ELMOD1: variants seen among roughly 807,000 people sequenced by gnomAD.
The protein encoded by ELMOD1 is ELMO domain-containing protein 1.
Under a neutral mutation model 46.7 loss-of-function variants are expected in ELMOD1, and 21 were observed. That is an observed-to-expected ratio of 0.45 (90% CI 0.32 to 0.65). The LOEUF is 0.65. ELMOD1 is among the 30% of genes least tolerant of loss of function. The pLI, the probability that ELMOD1 is intolerant of heterozygous loss-of-function variation, is 0.04. For missense variants in ELMOD1, 348 were observed against 407.8 expected (o/e 0.85, Z 1.26); for synonymous variants, 122 against 138.2 (o/e 0.88, Z 0.82).
rs1866140305 is a variant in ELMOD1 at position 107,631,526 on chromosome 11, T to C, written c.193-54T>C. On this transcript the variant is annotated intron_variant, in intron 4 of 11. Coordinates refer to ENST00000265840, the MANE Select transcript of ELMOD1 (RefSeq NM_018712.4). ...TTGAAGCCTCTATCCCAGTAGATACTGATTAAGCCTCTGGTGTTAATGAAA... is the reference window on the plus strand; with the variant it reads ...TTGAAGCCTCTATCCCAGTAGATACCGATTAAGCCTCTGGTGTTAATGAAA... 14 of 1,133,512 alleles carry C rather than the reference T, an allele frequency of 1.2e-5. No homozygotes were observed. In the South Asian group the frequency reaches 1.7e-4, roughly 14 times the overall value. The allele number at this position is 1,133,512 out of a possible 1,614,324, so 70.2% of individuals were successfully genotyped here.
intron 1 of ELMOD1, among the ~76,000 whole-genome samples, chr11:107,595,357 C>A (rs1302013321): frequency 6.6e-6 from 1 of 152,080 alleles, no homozygotes; most frequent in Non-Finnish European, 1.5e-5. Flanking sequence ...AGTTCTACTT[C>A]AGGTTTTTCT....
At position 107,630,500 on chromosome 11, in the gene ELMOD1, G is replaced by A. The variant is rs1308632775; in HGVS notation, c.101G>A (p.Arg34Lys). The change falls in exon 3 of 12, where the codon AGA becomes AAA. Residue 34 changes from arginine (R) to lysine (K), a missense_variant. By Grantham distance (26) the Arg-to-Lys change is conservative. Transcript: ENST00000265840. ...LKFVMRKLTG[R>K]CELQRICYNT... ...TTTGTAATGAGGAAGCTAACTGGAA[G>A]ATGTGAACTACAACGGATCTGTTAT... The A allele has an allele frequency of 6.2e-7, 1 of 1,609,992 alleles. No individual in the cohort carries two copies. Among genetic ancestry groups the A allele is most frequent in the South Asian group, 1.1e-5 (1 of 89,956 alleles).
chr11:107,595,159 T>C (rs1865471637), intron 1 of ELMOD1, among the ~76,000 whole-genome samples: 1 of 152,138 alleles, frequency 6.6e-6, no homozygotes, highest in Admixed American at 6.5e-5. Context: ...ATCTGTTTTT[T>C]TTTTTTTGGA....
intron 6 of ELMOD1, among the ~76,000 whole-genome samples, chr11:107,637,785 A>G (rs970710672): frequency 6.6e-6 from 1 of 151,980 alleles, no homozygotes; most frequent in African/African-American, 2.4e-5. Flanking sequence ...CCAATGCCTT[A>G]TTCTAGCCAT....
At chr11:107,661,746 C>A (rs1000509389) in intron 11 of ELMOD1, among the ~76,000 whole-genome samples, 3 of 152,192 alleles carry the variant, frequency 2.0e-5, no homozygotes, top group Admixed American at 1.3e-4. Flanking sequence ...TTTAGTGACA[C>A]AAGTTTCATC....
At chr11:107,591,824 G>A in intron 1 of ELMOD1, 1 of 472,500 alleles carries the variant, frequency 2.1e-6, no homozygotes, top group Non-Finnish European at 4.4e-6. Flanking sequence ...GGAACCCCTT[G>A]CCTTGTGGGC....
intron 6 of ELMOD1, 22 bp from the exon 7 acceptor site, chr11:107,647,446 A>G (rs1388704995): frequency 2.5e-6 from 4 of 1,603,466 alleles, no homozygotes; most frequent in Middle Eastern, 1.7e-4. Flanking sequence ...CAACAGAGTA[A>G]TCCTTTTTTT....
chr11:107,624,930 C>T (rs1223231496), intron 2 of ELMOD1, among the ~76,000 whole-genome samples: 3 of 152,008 alleles, frequency 2.0e-5, no homozygotes, highest in Non-Finnish European at 2.9e-5. Context: ...TTTACTTTTT[C>T]GGAAGTTAGT....
intron 5 of ELMOD1, 30 bp from the exon 6 acceptor site, chr11:107,635,604 TTG>T (rs748589998): frequency 9.6e-5 from 153 of 1,601,710 alleles, no homozygotes; most frequent in Non-Finnish European, 5.6e-5. Context: ...CTGTTCTTCC[TTG>T]TGTGTCTCTT....
At chr11:107,643,596 G>C in intron 6 of ELMOD1, 1 of 525,964 alleles carries the variant, frequency 1.9e-6, no homozygotes. Flanking sequence ...GCTGTCATTT[G>C]AGTACAAGTA....
At chr11:107,664,875 C>A (rs143895965) in intron 11 of ELMOD1, 150 bp from the exon 12 acceptor site, 1 of 689,850 alleles carries the variant, frequency 1.4e-6, no homozygotes, top group Admixed American at 2.9e-5. Context: ...TAATCTTAAA[C>A]AGTGGTATTT....
intron 1 of ELMOD1, chr11:107,592,420 C>G (rs1187364774): frequency 3.7e-6 from 2 of 534,490 alleles, no homozygotes; most frequent in Non-Finnish European, 7.7e-6. Flanking sequence ...AGGCATTGTT[C>G]TGCATCTCTG....
rs1346248075 is a variant in ELMOD1 at position 107,591,283 on chromosome 11, G to A, written c.-212G>A. On this transcript the variant is annotated 5_prime_UTR_variant, in exon 1 of 12. Coordinates refer to ENST00000265840, the MANE Select transcript of ELMOD1 (RefSeq NM_018712.4). ...GCCGCGGCCGCCCCTGTCCAGCCTCGGCGCCCGGGACCGAGCGCGTCGCTC... is the reference window on the plus strand; with the variant it reads ...GCCGCGGCCGCCCCTGTCCAGCCTCAGCGCCCGGGACCGAGCGCGTCGCTC... 6 of 152,236 alleles carry A rather than the reference G, an allele frequency of 3.9e-5. No homozygotes were observed. The highest frequency in any genetic ancestry group is 1.4e-4 in the African/African-American group (6 of 41,520). The allele number at this position is 152,236 out of a possible 1,614,324, so 9.4% of individuals were successfully genotyped here.
intron 10 of ELMOD1, among the ~76,000 whole-genome samples, chr11:107,655,504 G>A (rs1431482651): frequency 2.7e-5 from 4 of 150,640 alleles, no homozygotes; most frequent in Non-Finnish European, 5.9e-5. Context: ...GGGTGGGGAC[G>A]GAAGGGTGAC....
intron 6 of ELMOD1, 89 bp downstream of exon 6, chr11:107,635,854 C>CA (rs2135694429): frequency 7.3e-7 from 1 of 1,364,296 alleles, no homozygotes; most frequent in Non-Finnish European, 9.8e-7. Context: ...CTCTGGACAT[C>CA]AGGGGTACAA....
intron 6 of ELMOD1, among the ~76,000 whole-genome samples, chr11:107,640,818 A>C (rs936247426): frequency 3.3e-5 from 5 of 152,210 alleles, no homozygotes; most frequent in Admixed American, 3.3e-4. Flanking sequence ...TTCAATCTGC[A>C]TTTGAATCAT....
At chr11:107,651,300 A>ATAG (rs1866522321) in intron 9 of ELMOD1, among the ~76,000 whole-genome samples, 1 of 152,150 alleles carries the variant, frequency 6.6e-6, no homozygotes, top group South Asian at 2.1e-4. Context: ...GTTATAAATG[A>ATAG]TAGTTTTGTG....
At chr11:107,599,728 C>A (rs111585178) in intron 1 of ELMOD1, among the ~76,000 whole-genome samples, 1 of 105,532 alleles carries the variant, frequency 9.5e-6, no homozygotes, top group African/African-American at 3.7e-5. Flanking sequence ...GGCGACAGAG[C>A]GAGACCTGTC....
chr11:107,654,768 CAA>C (rs945140722), intron 10 of ELMOD1, among the ~76,000 whole-genome samples: 8 of 66,914 alleles, frequency 1.2e-4, no homozygotes, highest in Non-Finnish European at 6.4e-5. Flanking sequence ...GACTCCGTCT[CAA>C]AAAAAAAAAA....
Sources: gnomAD v4.1 joint callset for allele counts (sites outside exome capture counted in the v4.1 genomes callset) on GRCh38, gnomAD v4.1.1 for gene constraint, MANE v1.5 for transcripts, NCBI Gene and HGNC (gene_info 2026-07-23, HGNC 2026-07-21) for gene names.